The following FHIT variants were observed in gnomAD, a reference collection of about 807,000 sequenced individuals.
FHIT encodes the protein fragile histidine triad diadenosine triphosphatase, also known as bis(5'-adenosyl)-triphosphatase.
In FHIT, 19 loss-of-function variants were observed where a neutral mutation model predicts 17.9. The ratio of observed to expected loss-of-function variants is 1.06; its 90% confidence interval spans 0.74 to 1.56. The LOEUF (loss-of-function observed/expected upper bound fraction) is 1.56. Among genes scored for constraint, FHIT ranks in the 40% most tolerant of loss-of-function variants. The pLI is 0.00. For synonymous variants in FHIT, 81 were observed against 69.7 expected (o/e 1.16, Z -0.81); for missense variants, 248 against 189.2 (o/e 1.31, Z -1.82).
At chr3:59,876,268 T>C (rs906814756) in intron 8 of FHIT, among the ~76,000 whole-genome samples, 3 of 152,190 alleles carry the variant, frequency 2.0e-5, no homozygotes, top group Non-Finnish European at 2.9e-5. Flanking sequence ...AATAGGGAGC[T>C]ATGATCTTAA....
At chr3:59,798,628 G>A (rs948618202) in intron 8 of FHIT, among the ~76,000 whole-genome samples, 2 of 152,212 alleles carry the variant, frequency 1.3e-5, no homozygotes, top group Non-Finnish European at 2.9e-5. Context: ...AAGAAGTAGC[G>A]GCTGGAGCCT....
intron 3 of FHIT, among the ~76,000 whole-genome samples, chr3:60,910,573 G>A (rs573272493): frequency 3.3e-5 from 5 of 152,004 alleles, no homozygotes; most frequent in African/African-American, 7.2e-5. Flanking sequence ...CACCACGCCC[G>A]GCTAATTTTT....
chr3:60,019,797 T>C (rs1434720001), intron 5 of FHIT, among the ~76,000 whole-genome samples: 1 of 152,168 alleles, frequency 6.6e-6, no homozygotes, highest in East Asian at 1.9e-4. Flanking sequence ...TTACTTAACT[T>C]GTTCAAAGTC....
At chr3:60,536,308 A>T (rs1451628400) in intron 5 of FHIT, 1 of 152,214 alleles carries the variant, frequency 6.6e-6, no homozygotes, top group African/African-American at 2.4e-5. Flanking sequence ...TATTTTTCCC[A>T]AGAGAAAATG....
intron 5 of FHIT, among the ~76,000 whole-genome samples, chr3:60,184,952 A>G (rs998579291): frequency 5.3e-5 from 8 of 151,860 alleles, no homozygotes; most frequent in African/African-American, 7.3e-5. Flanking sequence ...CCTTTAACAC[A>G]CTCCCATTAT....
At chr3:61,111,233 G>C (rs1020477703) in intron 2 of FHIT, among the ~76,000 whole-genome samples, 1 of 152,110 alleles carries the variant, frequency 6.6e-6, no homozygotes, top group Non-Finnish European at 1.5e-5. Flanking sequence ...GCTACACCAG[G>C]CTCTCTCTAG....
intron 5 of FHIT, among the ~76,000 whole-genome samples, chr3:60,217,887 G>A (rs754719779): frequency 5.1e-4 from 77 of 152,156 alleles, no homozygotes; most frequent in South Asian, 8.3e-4. Flanking sequence ...TATCTCTCAT[G>A]GGATCATGGA....
At chr3:60,189,291 C>G (rs936006503) in intron 5 of FHIT, among the ~76,000 whole-genome samples, 5 of 152,154 alleles carry the variant, frequency 3.3e-5, no homozygotes, top group Admixed American at 2.6e-4. Context: ...CTAACTAGAT[C>G]TCCGGATTTT....
intron 3 of FHIT, among the ~76,000 whole-genome samples, chr3:60,837,598 A>G (rs975042539): frequency 1.3e-5 from 2 of 152,100 alleles, no homozygotes; most frequent in Non-Finnish European, 2.9e-5. Context: ...AGACCATTTA[A>G]CTTTAATGTA....
chr3:61,024,508 T>C (rs570768506), intron 3 of FHIT, among the ~76,000 whole-genome samples: 1 of 152,280 alleles, frequency 6.6e-6, no homozygotes, highest in African/African-American at 2.4e-5. Context: ...GTTTGGCTTT[T>C]CTTTTTCTTT....
At chr3:61,109,395 A>G (rs776530511) in intron 2 of FHIT, among the ~76,000 whole-genome samples, 10 of 152,154 alleles carry the variant, frequency 6.6e-5, no homozygotes, top group Non-Finnish European at 1.3e-4. Flanking sequence ...ACATGGCTGT[A>G]TAGGGAATCA....
chr3:60,462,814 T>A, intron 5 of FHIT, among the ~76,000 whole-genome samples: 1 of 152,218 alleles, frequency 6.6e-6, no homozygotes, highest in South Asian at 2.1e-4. Flanking sequence ...ATCACTGGGC[T>A]AATACTTGTG....
chr3:59,941,135 A>T (rs1427393365), intron 7 of FHIT, among the ~76,000 whole-genome samples: 1 of 152,214 alleles, frequency 6.6e-6, no homozygotes, highest in African/African-American at 2.4e-5. Context: ...AAACTCTATT[A>T]GGCTGAAAAC....
At chr3:60,584,757 T>C (rs1553661058) in intron 4 of FHIT, among the ~76,000 whole-genome samples, 1 of 152,072 alleles carries the variant, frequency 6.6e-6, no homozygotes, top group Non-Finnish European at 1.5e-5. Flanking sequence ...CACTTCTGCA[T>C]CATGCTAATT....
At chr3:59,961,402 G>A (rs557556254) in intron 7 of FHIT, among the ~76,000 whole-genome samples, 32 of 151,976 alleles carry the variant, frequency 2.1e-4, no homozygotes, top group African/African-American at 2.4e-4. Flanking sequence ...ACTTCATTTC[G>A]CTGTACTTAT....
intron 4 of FHIT, among the ~76,000 whole-genome samples, chr3:60,693,414 T>A (rs1176125464): frequency 6.6e-6 from 1 of 152,182 alleles, no homozygotes; most frequent in Admixed American, 6.5e-5. Flanking sequence ...TTTCTCTCTA[T>A]CTAGATAGGA....
At chr3:60,629,119 T>C (rs554077702) in intron 4 of FHIT, among the ~76,000 whole-genome samples, 2 of 152,172 alleles carry the variant, frequency 1.3e-5, no homozygotes, top group Admixed American at 1.3e-4. Flanking sequence ...ACCAAGAACT[T>C]AGCCTCTGCA....
At chr3:60,059,988 T>A (rs1164079965) in intron 5 of FHIT, among the ~76,000 whole-genome samples, 4 of 152,194 alleles carry the variant, frequency 2.6e-5, no homozygotes, top group African/African-American at 9.7e-5. Context: ...GTTGTTGTTT[T>A]TTGTTTTGTT....
At chr3:60,052,123 T>C (rs1327960442) in intron 5 of FHIT, among the ~76,000 whole-genome samples, 1 of 152,176 alleles carries the variant, frequency 6.6e-6, no homozygotes, top group East Asian at 1.9e-4. Context: ...CTTTCCCTTG[T>C]ATATAAAAAA....
Sources: gnomAD v4.1 joint callset for allele counts (sites outside exome capture counted in the v4.1 genomes callset) on GRCh38, gnomAD v4.1.1 for gene constraint, MANE v1.5 for transcripts, NCBI Gene and HGNC (gene_info 2026-07-23, HGNC 2026-07-21) for gene names.